Variants in HGF observed in about 807,000 individuals in gnomAD.
HGF encodes fibroblast-derived tumor cytotoxic factor.
Under a neutral mutation model 111.6 loss-of-function variants are expected in HGF, and 39 were observed. The ratio of observed to expected loss-of-function variants is 0.35; its 90% CI spans 0.27 to 0.46. HGF has a LOEUF of 0.46. HGF is among the 20% of genes least tolerant of loss of function. The pLI is 1.00. For missense variants in HGF, 735 were observed against 910.5 expected (o/e 0.81, Z 2.48); for synonymous variants, 285 against 294.8 (o/e 0.97, Z 0.34).
At position 81,749,182 on chromosome 7, in the gene HGF, C is replaced by T. The variant is rs139354500; in HGVS notation, c.625+2938G>A. Among the ~76,000 whole-genome samples, 73 of 152,088 alleles carry T rather than the reference C, an allele frequency of 4.8e-4. No homozygotes were observed. The East Asian group carries it at 0.014, about 29-fold the overall frequency. ...TTTTAAAAGTCTTCACACAGAGTAT[C>T]GAATTATACACATAAACTTATGTCA... is the stretch of plus-strand genomic sequence containing the variant. On this transcript the variant is annotated intron_variant, in intron 5 of 17. Coordinates refer to ENST00000222390, the MANE Select transcript of HGF (RefSeq NM_000601.6).
chr7:81,744,571 AC>A (rs1788151687), intron 6 of HGF, among the ~76,000 whole-genome samples: 1 of 152,130 alleles, frequency 6.6e-6, no homozygotes, highest in African/African-American at 2.4e-5. Flanking sequence ...GCAATTAGTA[AC>A]AATACCTCTA....
chr7:81,760,127 G>A (rs761193779), intron 2 of HGF, among the ~76,000 whole-genome samples: 19 of 152,084 alleles, frequency 1.2e-4, no homozygotes, highest in African/African-American at 3.9e-4. Context: ...ATCAAATTCC[G>A]TAAGTTGCAT....
rs760287936 is a variant in HGF at position 81,762,918 on chromosome 7, T to C, written c.89-46A>G. 6.3e-6 allele frequency: 7 copies of C among 1,112,124 alleles called. No homozygotes were observed. The Admixed American group carries it at 1.2e-4, about 19-fold the overall frequency. The allele number at this position is 1,112,124 out of a possible 1,614,324, so 68.9% of individuals were successfully genotyped here. A position where few individuals can be genotyped will look rare whatever the true frequency, so the allele number is the denominator to read the frequency against. On this transcript the variant is annotated intron_variant, in intron 1 of 17. Transcript: ENST00000222390. ...TAAAAAAATAAACATTGGAGAAATGTTTTTAAGGCTCATATATAAAAAAAA... is the reference window on the plus strand; with the variant it reads ...TAAAAAAATAAACATTGGAGAAATGCTTTTAAGGCTCATATATAAAAAAAA...
intron 9 of HGF, among the ~76,000 whole-genome samples, chr7:81,724,931 A>G (rs549113213): frequency 4.7e-4 from 72 of 152,300 alleles, no homozygotes; most frequent in South Asian, 1.5e-3. Flanking sequence ...GTTATCTTCA[A>G]TGGCATCTAT....
At position 81,702,369 on chromosome 7, in the gene HGF, A is replaced by C; in HGVS notation, c.*212T>G. On this transcript the variant is annotated 3_prime_UTR_variant, in exon 18 of 18. Coordinates refer to ENST00000222390, the MANE Select transcript of HGF (RefSeq NM_000601.6). ...TCAGGAGATATGTTATTACACTTGC[A>C]TGTACCTTAATTCACTTCAACATTG... 1.9e-6 allele frequency: 1 copy of C among 536,316 alleles called. No individual in the cohort carries two copies. Among genetic ancestry groups the C allele is most frequent in the South Asian group, 2.3e-5 (1 of 43,872 alleles). The allele number at this position is 536,316 out of a possible 1,614,324, so 33.2% of individuals were successfully genotyped here.
intron 4 of HGF, 24 bp from the exon 5 acceptor site, chr7:81,752,286 A>G (rs1448531625): frequency 3.7e-6 from 6 of 1,610,122 alleles, no homozygotes; most frequent in Non-Finnish European, 5.1e-6. Flanking sequence ...GATAATCATT[A>G]CAGTATAAGA....
intron 1 of HGF, 40 bp downstream of exon 1, chr7:81,769,844 A>C: frequency 7.0e-7 from 1 of 1,423,850 alleles, no homozygotes; most frequent in Non-Finnish European, 9.7e-7. Flanking sequence ...AGGAGAGTTA[A>C]ATACTAATAC....
rs773824390 is a variant in HGF at position 81,706,313 on chromosome 7, T to C, written c.1731A>G (p.Ser577=). The part of the protein sequence containing the change: ...VSQLVYGPEG[S]DLVLMKLARP... ...TGGCAAGCTTCATTAAAACCAGATC[T>C]GATCCTTCAGGGCCATATACCAGCT... The change falls in exon 15 of 18, where the codon TCA becomes TCG. Residue 577 remains serine (S), a synonymous_variant. Transcript: ENST00000222390. 9 of 1,612,756 alleles carry C rather than the reference T, an allele frequency of 5.6e-6. No individual in the cohort carries two copies. In the African/African-American group the frequency reaches 1.2e-4, roughly 22 times the overall value.
At chr7:81,704,799 T>G (rs564453795) in intron 17 of HGF, among the ~76,000 whole-genome samples, 37 of 151,892 alleles carry the variant, frequency 2.4e-4, no homozygotes, top group African/African-American at 8.9e-4. Context: ...TTTAACAGCT[T>G]GTCTATGTAA....
In HGF at chr7:81,725,829, C is replaced by T. The variant is rs561811929; in HGVS notation, c.1168+61G>A. 1.9e-6 allele frequency: 3 copies of T among 1,577,294 alleles called. No homozygotes were observed. The East Asian group carries it at 6.7e-5, about 35-fold the overall frequency. On this transcript the variant is annotated intron_variant, in intron 9 of 17. Coordinates refer to ENST00000222390, the MANE Select transcript of HGF (RefSeq NM_000601.6). ...TAGATCTTATGCTGTAAAATGTGTCCTCCCTTTAGGCATTTCCCCTGAATT... is the reference window on the plus strand; with the variant it reads ...TAGATCTTATGCTGTAAAATGTGTCTTCCCTTTAGGCATTTCCCCTGAATT...
At position 81,720,859 on chromosome 7, in the gene HGF, A is replaced by T. The variant is rs769541554; in HGVS notation, c.1169-12T>A. On this transcript the variant is annotated splice_polypyrimidine_tract_variant and intron_variant, in intron 9 of 17. Transcript: ENST00000222390. ...CCCACGATAACAATCTAGACATAAA[A>T]TATACAGAAATAAGTCCAATGAATA... The T allele has an allele frequency of 7.4e-7, 1 of 1,344,152 alleles. No individual in the cohort carries two copies. The highest frequency in any genetic ancestry group is 1.7e-5 in the Admixed American group (1 of 59,648). 83.3% of individuals were successfully genotyped at this position (1,344,152 alleles called of 1,614,324 possible).
chr7:81,752,380 TC>T, intron 4 of HGF, 118 bp from the exon 5 acceptor site: 1 of 771,484 alleles, frequency 1.3e-6, no homozygotes, highest in African/African-American at 1.7e-5. Context: ...TATCTTATAT[TC>T]CTTCATATAT....
At chr7:81,764,920 C>T (rs1584019960) in intron 1 of HGF, among the ~76,000 whole-genome samples, 1 of 151,616 alleles carries the variant, frequency 6.6e-6, no homozygotes, top group African/African-American at 2.4e-5. Flanking sequence ...TTATAATTTC[C>T]TGTATAAATT....
rs1487303636 is a variant in HGF at position 81,702,595 on chromosome 7, C to A, written c.2173G>T (p.Val725Leu). ...ACTTACTTCAGCTATGACTGTGGTA[C>A]CTTATATGTTAAAATAATTTTGTGT... ...WIHKIILTYK[V>L]PQS is the part of the protein sequence containing the mutation. Residue 725 changes from valine to leucine, a missense_variant, in exon 18 of 18, where the codon GTA becomes TTA. Around this residue, in one of 3 missense-constraint regions of HGF, gnomAD observed 52 missense variants for 95.0 expected, o/e 0.55. Transcript: ENST00000222390. 5 of 1,610,208 alleles carry A rather than the reference C, an allele frequency of 3.1e-6. No individual in the cohort carries two copies. The highest frequency in any genetic ancestry group is 4.5e-5 in the East Asian group (2 of 44,780).
At chr7:81,718,044 A>G (rs1789759609) in intron 10 of HGF, among the ~76,000 whole-genome samples, 1 of 152,190 alleles carries the variant, frequency 6.6e-6, no homozygotes, top group Non-Finnish European at 1.5e-5. Context: ...ATTTACCTCA[A>G]TAACATGAAT....
chr7:81,738,226 A>G (rs1342777212), intron 7 of HGF, among the ~76,000 whole-genome samples: 1 of 152,140 alleles, frequency 6.6e-6, no homozygotes, highest in Admixed American at 6.6e-5. Context: ...CTGAATTTAA[A>G]ACTTACAGAA....
chr7:81,745,212 A>G (rs1788188251), intron 5 of HGF, 92 bp from the exon 6 acceptor site: 1 of 1,383,248 alleles, frequency 7.2e-7, no homozygotes, highest in East Asian at 2.3e-5. Context: ...CTGTTTAGTA[A>G]ACAGATTTTT....
chr7:81,741,182 A>T (rs1787988679), intron 7 of HGF, among the ~76,000 whole-genome samples: 1 of 152,156 alleles, frequency 6.6e-6, no homozygotes. Context: ...TGTATTTTTT[A>T]AACTAAAAGC....
chr7:81,737,745 T>C (rs1275273271), intron 7 of HGF, among the ~76,000 whole-genome samples: 3 of 152,176 alleles, frequency 2.0e-5, no homozygotes, highest in Admixed American at 1.3e-4. Context: ...CTTATTGCTA[T>C]TATAAATGAA....
Sources: allele counts gnomAD v4.1 joint callset (sites outside exome capture counted in the v4.1 genomes callset), GRCh38; gene constraint gnomAD v4.1.1; regional missense constraint gnomAD v4.1.1; transcripts MANE v1.5; gene names NCBI Gene and HGNC (gene_info 2026-07-23, HGNC 2026-07-21).